Variants in OSBP observed in about 807,000 individuals in gnomAD.
OSBP encodes oxysterol-binding protein 1.
In OSBP, 32 loss-of-function variants were observed where a neutral mutation model predicts 96.6. The observed-to-expected ratio is 0.33, with a 90% CI of 0.25 to 0.45. The LOEUF is 0.45. Ranked by LOEUF, OSBP falls within the 20% of genes least tolerant of loss-of-function variation. OSBP has a pLI of 1.00. For synonymous variants in OSBP, 369 were observed against 389.6 expected (o/e 0.95, Z 0.62); for missense variants, 653 against 1,029.7 (o/e 0.63, Z 5.01).
In OSBP at chr11:59,608,443, G is replaced by T. The variant is rs1219639819; in HGVS notation, c.822+41C>A. On this transcript the variant is annotated intron_variant, in intron 3 of 13. Transcript: ENST00000263847. ...TTGGGGAGAATTATGTTTCAAAGAG[G>T]GAATGAATCAAAAAGCAACACAGAC... The T allele has an allele frequency of 1.9e-6, 3 of 1,612,130 alleles. No individual in the cohort carries two copies. The South Asian group carries it at 3.3e-5, about 18-fold the overall frequency.
chr11:59,601,468 A>G (rs747331710), intron 4 of OSBP, 83 bp from the exon 5 acceptor site: 9 of 1,216,516 alleles, frequency 7.4e-6, no homozygotes, highest in Non-Finnish European at 1.1e-5. Flanking sequence ...AATACTAACC[A>G]CAAACACAGC....
intron 9 of OSBP, 143 bp from the exon 10 acceptor site, chr11:59,581,697 C>T (rs1860423215): frequency 5.7e-6 from 3 of 525,060 alleles, no homozygotes; most frequent in South Asian, 4.9e-5. Flanking sequence ...AGGACTTACA[C>T]TTTCTTAAAT....
intron 9 of OSBP, among the ~76,000 whole-genome samples, chr11:59,589,967 A>G (rs531454132): frequency 6.6e-6 from 1 of 152,020 alleles, no homozygotes; most frequent in Non-Finnish European, 1.5e-5. Flanking sequence ...TGGGTGACAG[A>G]GCAAGACTCA....
intron 3 of OSBP, among the ~76,000 whole-genome samples, chr11:59,604,996 A>T (rs549307859): frequency 6.6e-6 from 1 of 150,830 alleles, no homozygotes; most frequent in Non-Finnish European, 1.5e-5. Flanking sequence ...CACTAAAAAC[A>T]CAAAAAATTA....
At chr11:59,608,833 T>A in intron 2 of OSBP, 99 bp from the exon 3 acceptor site, 1 of 1,207,506 alleles carries the variant, frequency 8.3e-7, no homozygotes, top group Middle Eastern at 2.7e-4. Context: ...TTCCTCATGC[T>A]GTGTGCATTC....
chr11:59,576,232 C>G lies in OSBP; in HGVS notation c.*345G>C, dbSNP rs79344328. 5.4e-3 allele frequency: 1,136 copies of G among 212,218 alleles called. 14 individuals are homozygous for G. Among genetic ancestry groups the G allele is most frequent in the African/African-American group, 0.024 (1,050 of 43,344 alleles). 13.1% of individuals were successfully genotyped at this position (212,218 alleles called of 1,614,324 possible). A position where few individuals can be genotyped will look rare whatever the true frequency, so the allele number is the denominator to read the frequency against. ...AGGCAGATCTTGGCTGAGCAGGATA[C>G]TACAAGGGGAGGGTGAGTGACATTG... On this transcript the variant is annotated 3_prime_UTR_variant, in exon 14 of 14. Coordinates refer to ENST00000263847, the MANE Select transcript of OSBP (RefSeq NM_002556.3).
Position 59,594,000 on chromosome 11 carries a change from G to T in OSBP, c.1557+10C>A. ...AAAGGAAATGCGTTATGGTTCTGAGGTTCCTTTACCTGTTCACAGAGGGAT... is the reference window on the plus strand; with the variant it reads ...AAAGGAAATGCGTTATGGTTCTGAGTTTCCTTTACCTGTTCACAGAGGGAT... On this transcript the variant is annotated intron_variant, in intron 8 of 13. Transcript: ENST00000263847. 3 of 1,613,280 alleles carry T rather than the reference G, an allele frequency of 1.9e-6. No homozygotes were observed. The highest frequency in any genetic ancestry group is 2.5e-6 in the Non-Finnish European group (3 of 1,179,512).
At chr11:59,610,752 A>G (rs1269199875) in intron 1 of OSBP, among the ~76,000 whole-genome samples, 163 bp from the exon 2 acceptor site, 1 of 151,330 alleles carries the variant, frequency 6.6e-6, no homozygotes, top group East Asian at 1.9e-4. Flanking sequence ...CGAAACAATT[A>G]GTGGGGATTT....
intron 9 of OSBP, among the ~76,000 whole-genome samples, chr11:59,583,896 C>T (rs1354917224): frequency 6.6e-6 from 1 of 150,928 alleles, no homozygotes; most frequent in Non-Finnish European, 1.5e-5. Flanking sequence ...CCTCCGTCTC[C>T]CAAAGAGCTG....
chr11:59,607,702 GCA>G (rs1161180050), intron 3 of OSBP, among the ~76,000 whole-genome samples: 1 of 152,172 alleles, frequency 6.6e-6, no homozygotes, highest in Non-Finnish European at 1.5e-5. Flanking sequence ...AGGAAAAGCA[GCA>G]CTGTTTAAAC....
chr11:59,580,116 G>T, intron 11 of OSBP, 58 bp downstream of exon 11: 1 of 1,122,824 alleles, frequency 8.9e-7, no homozygotes, highest in Non-Finnish European at 1.4e-6. Flanking sequence ...TCCTAAAGGA[G>T]TATGCTTTCT....
At chr11:59,602,889 G>C (rs1292612974) in intron 3 of OSBP, among the ~76,000 whole-genome samples, 2 of 152,158 alleles carry the variant, frequency 1.3e-5, no homozygotes, top group African/African-American at 4.8e-5. Flanking sequence ...CAAAGTGTTG[G>C]GATTACAGGC....
intron 2 of OSBP, among the ~76,000 whole-genome samples, chr11:59,609,536 C>T (rs921174475): frequency 1.9e-4 from 29 of 150,490 alleles, no homozygotes; most frequent in Non-Finnish European, 2.8e-4. Context: ...GACAGAGAGA[C>T]GGGGCCAAAG....
chr11:59,579,059 A>ACTAC (rs1408721194), intron 11 of OSBP, among the ~76,000 whole-genome samples: 1 of 152,076 alleles, frequency 6.6e-6, no homozygotes, highest in Non-Finnish European at 1.5e-5. Flanking sequence ...CCCTCCCCTC[A>ACTAC]CTACCCTTCC....
At chr11:59,578,070 G>T in intron 12 of OSBP, 79 bp downstream of exon 12, 1 of 1,307,102 alleles carries the variant, frequency 7.7e-7, no homozygotes, top group Non-Finnish European at 1.1e-6. Flanking sequence ...TAAGTGAGAG[G>T]GCAGGCAGAA....
chr11:59,578,242 T>A lies in OSBP; in HGVS notation c.1967A>T (p.Gln656Leu), dbSNP rs1253953151. 6.2e-7 allele frequency: 1 copy of A among 1,614,184 alleles called. No homozygotes were observed. The highest frequency in any genetic ancestry group is 1.1e-5 in the South Asian group (1 of 91,076). The change falls in exon 12 of 14, where the codon CAG (glutamine) becomes CTG (leucine). Residue 656 changes from glutamine (Q) to leucine (L), a missense_variant. Physicochemically the swap from Gln to Leu is moderately radical, Grantham distance 113 (BLOSUM62 -2). Around this residue, in one of 6 missense-constraint regions of OSBP, gnomAD observed 169 missense variants for 251.5 expected, o/e 0.67. Transcript: ENST00000263847. Reference sequence around the variant, plus strand: ...ACCCCCATTTTCCCCAATGACTGGCTGTACTTTGAAACATTCCATTTTCTC... The same window carrying A: ...ACCCCCATTTTCCCCAATGACTGGCAGTACTTTGAAACATTCCATTTTCTC... ...WDEKMECFKV[Q>L]PVIGENGGDA...
chr11:59,602,282 T>G (rs1860733624), intron 3 of OSBP, among the ~76,000 whole-genome samples: 1 of 152,176 alleles, frequency 6.6e-6, no homozygotes, highest in Non-Finnish European at 1.5e-5. Flanking sequence ...GAACAGAGAA[T>G]CCACACTGAG....
At chr11:59,608,827 T>C (rs1860812916) in intron 2 of OSBP, 93 bp from the exon 3 acceptor site, 1 of 1,248,556 alleles carries the variant, frequency 8.0e-7, no homozygotes, top group Non-Finnish European at 1.2e-6. Flanking sequence ...CCAACATTCC[T>C]CATGCTGTGT....
In OSBP at chr11:59,615,732, C is replaced by G; in HGVS notation, c.-68G>C. 1 of 1,240,638 alleles carries G rather than the reference C, an allele frequency of 8.1e-7. No homozygotes were observed. Among genetic ancestry groups the G allele is most frequent in the Non-Finnish European group, 1.0e-6 (1 of 991,072 alleles). 76.9% of individuals were successfully genotyped at this position (1,240,638 alleles called of 1,614,324 possible). A position where few individuals can be genotyped will look rare whatever the true frequency, so the allele number is the denominator to read the frequency against. The stretch of plus-strand genomic sequence containing the variant: ...AGAGCCGCCGTCGCCGCCCGGAGCG[C>G]CCCACACGGCTACCGCATCAGCCAC... On this transcript the variant is annotated 5_prime_UTR_variant, in exon 1 of 14. Coordinates refer to ENST00000263847, the MANE Select transcript of OSBP (RefSeq NM_002556.3).
Sources: gnomAD v4.1 joint callset for allele counts (sites outside exome capture counted in the v4.1 genomes callset) on GRCh38, gnomAD v4.1.1 for gene constraint, gnomAD v4.1.1 regional missense constraint, MANE v1.5 for transcripts, NCBI Gene and HGNC (gene_info 2026-07-23, HGNC 2026-07-21) for gene names.